Variants in YWHAE observed in about 807,000 individuals in gnomAD.
YWHAE encodes the protein 14-3-3 protein epsilon.
In YWHAE, 4 loss-of-function variants were observed where a neutral mutation model predicts 30.1. The observed-to-expected ratio is 0.13, with a 90% CI of 0.07 to 0.30. The LOEUF (loss-of-function observed/expected upper bound fraction) is 0.30. Among genes scored for constraint, YWHAE ranks in the 10% least tolerant of loss-of-function variants. YWHAE has a pLI of 1.00. For missense variants in YWHAE, 121 were observed against 315.9 expected, an observed-to-expected ratio of 0.38 and a Z score of 4.68; for synonymous variants, 118 against 111.8, an observed-to-expected ratio of 1.06 and a Z score of -0.35.
Position 1,400,120 on chromosome 17 carries a change from G to A in YWHAE, c.-10C>T, listed in dbSNP as rs761218493. 1 of 1,614,058 alleles carries A rather than the reference G, an allele frequency of 6.2e-7. No homozygotes were observed. Among genetic ancestry groups the A allele is most frequent in the Non-Finnish European group, 8.5e-7 (1 of 1,180,018 alleles). On this transcript the variant is annotated 5_prime_UTR_variant, in exon 1 of 6. Transcript: ENST00000264335. ...CCTCTCGATCATCCATAGCGGCAGC[G>A]GCTCCGGCAGGGTCTGCGCGACGGA...
chr17:1,396,143 G>A (rs1343308166), intron 1 of YWHAE, among the ~76,000 whole-genome samples: 1 of 151,210 alleles, frequency 6.6e-6, no homozygotes, highest in Non-Finnish European at 1.5e-5. Context: ...CTCTTGACCA[G>A]GCGCGGTGGC....
intron 1 of YWHAE, among the ~76,000 whole-genome samples, chr17:1,393,898 GA>G (rs1181574456): frequency 2.6e-5 from 4 of 152,080 alleles, no homozygotes; most frequent in African/African-American, 4.8e-5. Flanking sequence ...TTTTATCTCT[GA>G]AAAAAACCAT....
chr17:1,345,307 A>AC lies in YWHAE; in HGVS notation c.*139dup. ...AACTGTTTAAAAAAAAAAAAAAAAA[A>AC]CCAACAGGGCAGGAACCTAAATTCT... On this transcript the variant is annotated 3_prime_UTR_variant, in exon 6 of 6. Coordinates refer to ENST00000264335, the MANE Select transcript of YWHAE (RefSeq NM_006761.5). 2 of 791,358 alleles carry AC rather than the reference A, an allele frequency of 2.5e-6. No homozygotes were observed. Among genetic ancestry groups the AC allele is most frequent in the Middle Eastern group, 2.6e-4 (1 of 3,804 alleles). 49.0% of individuals were successfully genotyped at this position (791,358 alleles called of 1,614,324 possible). A position where few individuals can be genotyped will look rare whatever the true frequency, so the allele number is the denominator to read the frequency against.
chr17:1,399,250 G>T (rs961101872), intron 1 of YWHAE: 1 of 152,076 alleles, frequency 6.6e-6, no homozygotes, highest in African/African-American at 2.4e-5. Context: ...GGAACTTCGA[G>T]ATCTCCTGTT....
intron 1 of YWHAE, among the ~76,000 whole-genome samples, chr17:1,378,670 C>A (rs950906219): frequency 5.3e-5 from 8 of 152,202 alleles, no homozygotes; most frequent in African/African-American, 1.7e-4. Context: ...ACAGGCCAGG[C>A]ACGGCGGCTC....
intron 1 of YWHAE, among the ~76,000 whole-genome samples, chr17:1,398,341 C>CCT (rs1555648146): frequency 3.8e-4 from 57 of 148,606 alleles, no homozygotes; most frequent in South Asian, 1.5e-3. Context: ...TTATCCCCCC[C>CCT]CCCAACAGGA....
At chr17:1,348,368 A>C (rs771109567) in intron 5 of YWHAE, among the ~76,000 whole-genome samples, 8 of 152,200 alleles carry the variant, frequency 5.3e-5, no homozygotes, top group Non-Finnish European at 1.0e-4. Context: ...AAGAGACTAA[A>C]ATCACTTGAG....
intron 1 of YWHAE, chr17:1,399,621 T>C (rs1285796499): frequency 9.1e-6 from 2 of 218,756 alleles, no homozygotes; most frequent in Non-Finnish European, 1.9e-5. Flanking sequence ...CGGTCTTCGC[T>C]CTCTCCCATG....
chr17:1,362,911 G>T (rs1344984696), intron 2 of YWHAE, among the ~76,000 whole-genome samples: 1 of 152,016 alleles, frequency 6.6e-6, no homozygotes, highest in East Asian at 1.9e-4. Flanking sequence ...CTCAATGACT[G>T]CTCTATTACT....
chr17:1,376,928 CTT>C (rs150653022), intron 1 of YWHAE, among the ~76,000 whole-genome samples: 9 of 142,186 alleles, frequency 6.3e-5, no homozygotes, highest in Non-Finnish European at 6.2e-5. Context: ...ATAACCCTAA[CTT>C]TTTTTTTTTT....
intron 1 of YWHAE, among the ~76,000 whole-genome samples, chr17:1,368,481 T>C (rs1483485475): frequency 2.6e-5 from 4 of 151,638 alleles, no homozygotes; most frequent in African/African-American, 9.7e-5. Context: ...GGGGAATCGC[T>C]TGAACCCCGG....
intron 1 of YWHAE, among the ~76,000 whole-genome samples, chr17:1,394,362 C>A (rs2073432080): frequency 6.8e-6 from 1 of 146,536 alleles, no homozygotes; most frequent in African/African-American, 2.6e-5. Context: ...CCTGTAATCC[C>A]AGCACTTTGG....
chr17:1,365,226 A>G (rs1339043125), intron 1 of YWHAE, among the ~76,000 whole-genome samples, 168 bp from the exon 2 acceptor site: 1 of 147,226 alleles, frequency 6.8e-6, no homozygotes, highest in Non-Finnish European at 1.5e-5. Context: ...CATGTAAAGG[A>G]AACCAAACTA....
chr17:1,371,703 G>A (rs2073045613), intron 1 of YWHAE, among the ~76,000 whole-genome samples: 1 of 151,776 alleles, frequency 6.6e-6, no homozygotes, highest in South Asian at 2.1e-4. Context: ...TGAAGTCCTA[G>A]ACAGCATTTT....
intron 1 of YWHAE, among the ~76,000 whole-genome samples, chr17:1,370,353 G>C (rs530163710): frequency 7.3e-4 from 110 of 151,624 alleles, no homozygotes; most frequent in Non-Finnish European, 1.4e-3. Flanking sequence ...GGACGGTCTC[G>C]ATCTCCTGAC....
intron 1 of YWHAE, among the ~76,000 whole-genome samples, chr17:1,383,055 A>G (rs2073240284): frequency 6.6e-6 from 1 of 151,582 alleles, no homozygotes; most frequent in Non-Finnish European, 1.5e-5. Flanking sequence ...AGGCAAAACA[A>G]AAGTGGAAAA....
At chr17:1,356,287 T>C (rs577150275) in intron 4 of YWHAE, among the ~76,000 whole-genome samples, 2 of 152,058 alleles carry the variant, frequency 1.3e-5, no homozygotes, top group East Asian at 3.9e-4. Context: ...AAGAATCCCT[T>C]GAACCTGGGA....
chr17:1,358,401 G>A (rs939661121), intron 4 of YWHAE, among the ~76,000 whole-genome samples: 2 of 152,008 alleles, frequency 1.3e-5, no homozygotes, highest in South Asian at 2.1e-4. Context: ...CACCACGCCC[G>A]GCTGATTTTT....
chr17:1,348,746 G>A (rs573817601), intron 5 of YWHAE, among the ~76,000 whole-genome samples: 9 of 152,296 alleles, frequency 5.9e-5, no homozygotes, highest in Non-Finnish European at 1.0e-4. Flanking sequence ...AATGTAGGCC[G>A]GGAACAGTGG....
Sources: allele counts gnomAD v4.1 joint callset (sites outside exome capture counted in the v4.1 genomes callset), GRCh38; gene constraint gnomAD v4.1.1; transcripts MANE v1.5; gene names NCBI Gene and HGNC (gene_info 2026-07-23, HGNC 2026-07-21).